CAST: variants seen among roughly 807,000 people sequenced by gnomAD.
CAST encodes calpastatin.
In CAST, 76 loss-of-function variants were observed where a neutral mutation model predicts 119.6. The ratio of observed to expected loss-of-function variants is 0.64; its 90% confidence interval spans 0.53 to 0.77. CAST has a LOEUF of 0.77. Among genes scored for constraint, CAST ranks in the 30% least tolerant of loss-of-function variants. CAST has a pLI of 0.00. For synonymous variants in CAST, 319 were observed against 331.6 expected, an observed-to-expected ratio of 0.96 and a Z score of 0.41; for missense variants, 953 against 946.5, an observed-to-expected ratio of 1.01 and a Z score of -0.09.
chr5:96,725,408 C>T (rs1759071626), intron 4 of CAST, among the ~76,000 whole-genome samples: 1 of 152,134 alleles, frequency 6.6e-6, no homozygotes, highest in Admixed American at 6.5e-5. Flanking sequence ...GGAGAGAGTG[C>T]AGTGCGATGA....
intron 5 of CAST, among the ~76,000 whole-genome samples, 167 bp from the exon 6 acceptor site, chr5:96,727,322 C>A (rs1759437817): frequency 6.6e-6 from 1 of 152,168 alleles, no homozygotes; most frequent in Admixed American, 6.5e-5. Flanking sequence ...TAAAGAGTTG[C>A]AATTTCAAGC....
chr5:96,746,161 A>C lies in CAST; in HGVS notation c.1201-181A>C, dbSNP rs192793131. Among the ~76,000 whole-genome samples the C allele has an allele frequency of 1.1e-4, 17 of 152,260 alleles. No homozygotes were observed. In the East Asian group the frequency reaches 3.3e-3, roughly 29 times the overall value. On this transcript the variant is annotated intron_variant, in intron 16 of 31. Coordinates refer to ENST00000675179, the MANE Select transcript of CAST (RefSeq NM_001750.7). ...CTGGGCTACTTTTGCTCAGTCACCC[A>C]CTGCTCCCTTTCTCACAGCTGCCCA...
At chr5:96,634,615 C>T (rs1747862878) in intron 1 of CAST, among the ~76,000 whole-genome samples, 3 of 152,194 alleles carry the variant, frequency 2.0e-5, no homozygotes, top group African/African-American at 4.8e-5. Flanking sequence ...AGGGCATCTC[C>T]ATTCCAAATC....
the CAST span, among the ~76,000 whole-genome samples, chr5:96,053,672 C>A: frequency 4.6e-5 from 7 of 152,260 alleles, no homozygotes; most frequent in African/African-American, 1.7e-4. Context: ...TATGACTTTT[C>A]ACAGATACAT....
chr5:96,732,174 G>C (rs1760668204), intron 9 of CAST, among the ~76,000 whole-genome samples: 1 of 140,932 alleles, frequency 7.1e-6, no homozygotes, highest in Non-Finnish European at 1.5e-5. Flanking sequence ...GTTGTTTCCT[G>C]ACTTTTGAAT....
the CAST span, among the ~76,000 whole-genome samples, chr5:96,403,272 A>T: frequency 1.3e-5 from 2 of 151,988 alleles, no homozygotes; most frequent in African/African-American, 2.4e-5. Flanking sequence ...TTCTTTTTTT[A>T]TTATTATTAT....
At chr5:96,381,625 T>A in the CAST span, among the ~76,000 whole-genome samples, 4 of 152,208 alleles carry the variant, frequency 2.6e-5, no homozygotes, top group Non-Finnish European at 4.4e-5. Flanking sequence ...AAAAGCCTCT[T>A]GAGTATTTCG....
At chr5:96,079,432 T>C in the CAST span, among the ~76,000 whole-genome samples, 1 of 152,234 alleles carries the variant, frequency 6.6e-6, no homozygotes. Context: ...AAACCACTTT[T>C]AAGTATGTTT....
chr5:96,578,230 A>G (rs1746707736), intron 1 of CAST, among the ~76,000 whole-genome samples: 1 of 151,988 alleles, frequency 6.6e-6, no homozygotes, highest in South Asian at 2.1e-4. Flanking sequence ...TATCAGATAT[A>G]AATATAGCCA....
At chr5:96,327,837 G>A in the CAST span, among the ~76,000 whole-genome samples, 15 of 152,088 alleles carry the variant, frequency 9.9e-5, no homozygotes, top group African/African-American at 3.6e-4. Context: ...TTTATAATGA[G>A]GATAACACTC....
chr5:96,614,744 C>T (rs201093904), intron 1 of CAST, among the ~76,000 whole-genome samples: 23 of 151,018 alleles, frequency 1.5e-4, no homozygotes, highest in South Asian at 4.2e-4. Context: ...TGCTTTTTTT[C>T]TTTTTAAAAA....
intron 1 of CAST, among the ~76,000 whole-genome samples, chr5:96,615,317 A>C (rs533918518): frequency 6.6e-6 from 1 of 152,302 alleles, no homozygotes; most frequent in East Asian, 1.9e-4. Context: ...TAAGCCAAAG[A>C]GCAGCTGTAC....
chr5:96,096,464 A>G, the CAST span, among the ~76,000 whole-genome samples: 2 of 152,202 alleles, frequency 1.3e-5, no homozygotes, highest in South Asian at 4.2e-4. Flanking sequence ...AAGGAAGGTG[A>G]TAGAACAAGA....
At chr5:96,118,081 A>G in the CAST span, among the ~76,000 whole-genome samples, 1 of 152,222 alleles carries the variant, frequency 6.6e-6, no homozygotes, top group Non-Finnish European at 1.5e-5. Context: ...GTATTTGATG[A>G]ACAGCTGACC....
the CAST span, among the ~76,000 whole-genome samples, chr5:96,365,192 T>A: frequency 6.6e-6 from 1 of 152,192 alleles, no homozygotes; most frequent in Non-Finnish European, 1.5e-5. Flanking sequence ...TGAGAGACAG[T>A]TTGTTATAAT....
At chr5:96,514,212 T>C in the CAST span, among the ~76,000 whole-genome samples, 1 of 152,216 alleles carries the variant, frequency 6.6e-6, no homozygotes, top group Non-Finnish European at 1.5e-5. Context: ...CAACCCATAA[T>C]TGCTATCAGT....
At chr5:96,424,212 T>C in the CAST span, among the ~76,000 whole-genome samples, 1 of 152,060 alleles carries the variant, frequency 6.6e-6, no homozygotes, top group Admixed American at 6.5e-5. Flanking sequence ...ATAACCACAA[T>C]CAAAAGTGTC....
intron 18 of CAST, among the ~76,000 whole-genome samples, chr5:96,747,701 C>G (rs1764068555): frequency 6.6e-6 from 1 of 152,190 alleles, no homozygotes; most frequent in African/African-American, 2.4e-5. Context: ...CCATCCTGAT[C>G]AAATTCTCTA....
chr5:96,500,621 A>C, the CAST span, among the ~76,000 whole-genome samples: 2 of 152,186 alleles, frequency 1.3e-5, no homozygotes, highest in Non-Finnish European at 2.9e-5. Context: ...TTTTGTGTGC[A>C]ATCACCTCCA....
Sources: allele counts gnomAD v4.1 joint callset (sites outside exome capture counted in the v4.1 genomes callset), GRCh38; gene constraint gnomAD v4.1.1; transcripts MANE v1.5; gene names NCBI Gene and HGNC (gene_info 2026-07-23, HGNC 2026-07-21).